The following SCHIP1 variants were observed in gnomAD, a reference collection of about 807,000 sequenced individuals.
SCHIP1 encodes the protein schwannomin-interacting protein 1.
A neutral mutation model predicts 29.7 loss-of-function variants in SCHIP1; 8 were observed. That is an observed-to-expected ratio of 0.27 (90% CI 0.16 to 0.49). The LOEUF (loss-of-function observed/expected upper bound fraction) is 0.49. Among genes scored for constraint, SCHIP1 ranks in the 20% least tolerant of loss-of-function variants. The pLI, the probability that SCHIP1 is intolerant of heterozygous loss-of-function variation, is 0.99. For synonymous variants in SCHIP1, 76 were observed against 94.9 expected (o/e 0.80, Z 1.16); for missense variants, 193 against 294.6 (o/e 0.66, Z 2.52).
chr3:159,492,777 G>A, the SCHIP1 span, among the ~76,000 whole-genome samples: 1 of 152,078 alleles, frequency 6.6e-6, no homozygotes, highest in South Asian at 2.1e-4. Context: ...CTTGAGAAGA[G>A]CAACTCCAAG....
the SCHIP1 span, among the ~76,000 whole-genome samples, chr3:159,816,861 A>G: frequency 1.4e-4 from 19 of 138,752 alleles, no homozygotes; most frequent in South Asian, 8.6e-4. Context: ...TGTCCACTCT[A>G]TCTCTTTCTT....
the SCHIP1 span, among the ~76,000 whole-genome samples, chr3:159,386,414 G>GGATACACGCAAA: frequency 6.6e-6 from 1 of 152,004 alleles, no homozygotes; most frequent in African/African-American, 2.4e-5. Flanking sequence ...TTCCACGCTC[G>GGATACACGCAAA]TGGATACACG....
the SCHIP1 span, among the ~76,000 whole-genome samples, chr3:159,318,272 C>G: frequency 6.6e-6 from 1 of 152,182 alleles, no homozygotes; most frequent in South Asian, 2.1e-4. Flanking sequence ...AGTTTTTGAC[C>G]ACTCAGAGAG....
chr3:159,808,156 T>C, the SCHIP1 span, among the ~76,000 whole-genome samples: 1 of 152,244 alleles, frequency 6.6e-6, no homozygotes, highest in African/African-American at 2.4e-5. Flanking sequence ...TGTTTTTATT[T>C]TGATAAGAAC....
chr3:159,676,110 G>T, the SCHIP1 span, among the ~76,000 whole-genome samples: 1 of 152,096 alleles, frequency 6.6e-6, no homozygotes, highest in African/African-American at 2.4e-5. Flanking sequence ...CAGCCTGAGC[G>T]ACGGTGCAAG....
chr3:159,443,155 C>G, the SCHIP1 span, among the ~76,000 whole-genome samples: 3 of 152,160 alleles, frequency 2.0e-5, no homozygotes, highest in African/African-American at 4.8e-5. Context: ...CTGCGATTCT[C>G]TCTGACAGGC....
At chr3:159,545,236 T>A in the SCHIP1 span, among the ~76,000 whole-genome samples, 1 of 152,070 alleles carries the variant, frequency 6.6e-6, no homozygotes, top group Non-Finnish European at 1.5e-5. Context: ...ATACAAAGTA[T>A]TGATCATTGG....
the SCHIP1 span, among the ~76,000 whole-genome samples, chr3:159,722,674 A>G: frequency 6.6e-6 from 1 of 152,100 alleles, no homozygotes; most frequent in Non-Finnish European, 1.5e-5. Context: ...TATGCATATC[A>G]TTTTTTCAAG....
chr3:159,395,283 T>A, the SCHIP1 span, among the ~76,000 whole-genome samples: 2 of 152,194 alleles, frequency 1.3e-5, no homozygotes, highest in Admixed American at 1.3e-4. Flanking sequence ...CCTAGATTCA[T>A]TAATTTTTTG....
the SCHIP1 span, among the ~76,000 whole-genome samples, chr3:159,738,426 C>T: frequency 4.6e-5 from 7 of 152,122 alleles, no homozygotes; most frequent in Non-Finnish European, 1.0e-4. Context: ...TCCAGCATGA[C>T]TTAGTAAGAA....
the SCHIP1 span, among the ~76,000 whole-genome samples, chr3:159,305,695 A>C: frequency 1.3e-5 from 2 of 152,194 alleles, no homozygotes; most frequent in Non-Finnish European, 2.9e-5. Context: ...GTTACTTGAG[A>C]ATATATTATC....
the SCHIP1 span, chr3:159,306,501 A>C: frequency 3.5e-6 from 1 of 287,192 alleles, no homozygotes; most frequent in Non-Finnish European, 5.2e-6. Flanking sequence ...TCACAGATGA[A>C]GAAACTGAGA....
At chr3:159,838,700 C>T (rs370984377), upstream of SCHIP1, among the ~76,000 whole-genome samples, 5 of 151,690 alleles carry the variant, frequency 3.3e-5, no homozygotes, top group East Asian at 7.8e-4. Context: ...ACCATCCTGG[C>T]TAACACGGTG....
At chr3:159,273,463 T>C in the SCHIP1 span, 5 of 1,059,878 alleles carry the variant, frequency 4.7e-6, no homozygotes, top group Middle Eastern at 4.4e-4. Flanking sequence ...GATCTTCTTT[T>C]CTGCATTAAG....
chr3:159,809,422 A>G, the SCHIP1 span, among the ~76,000 whole-genome samples: 4 of 152,252 alleles, frequency 2.6e-5, no homozygotes, highest in Admixed American at 1.3e-4. Flanking sequence ...AGTCTTTGCT[A>G]TTGTGAATAG....
chr3:159,425,054 A>T, the SCHIP1 span, among the ~76,000 whole-genome samples: 23 of 151,916 alleles, frequency 1.5e-4, no homozygotes, highest in Non-Finnish European at 2.6e-4. Flanking sequence ...CTAAACATGG[A>T]AAGGAACAAC....
chr3:159,324,897 A>C, the SCHIP1 span, among the ~76,000 whole-genome samples: 1 of 152,184 alleles, frequency 6.6e-6, no homozygotes, highest in African/African-American at 2.4e-5. Flanking sequence ...AAAAGCAATA[A>C]TAAAACAATG....
At chr3:159,424,688 G>A in the SCHIP1 span, among the ~76,000 whole-genome samples, 18 of 152,230 alleles carry the variant, frequency 1.2e-4, no homozygotes, top group Middle Eastern at 6.8e-3. Flanking sequence ...GAAATACAGA[G>A]AACGCCACAA....
the SCHIP1 span, among the ~76,000 whole-genome samples, chr3:159,800,181 T>C: frequency 6.6e-6 from 1 of 152,316 alleles, no homozygotes; most frequent in East Asian, 1.9e-4. Flanking sequence ...GATGAGTCTA[T>C]GAGTAAATGA....
Sources: allele counts gnomAD v4.1 joint callset (sites outside exome capture counted in the v4.1 genomes callset), GRCh38; gene constraint gnomAD v4.1.1; transcripts MANE v1.5; gene names NCBI Gene and HGNC (gene_info 2026-07-23, HGNC 2026-07-21).